Variants in ZBTB20 observed in about 807,000 individuals in gnomAD.
ZBTB20 encodes zinc finger and BTB domain-containing protein 20.
Under a neutral mutation model 56.9 loss-of-function variants are expected in ZBTB20, and 9 were observed. The ratio of observed to expected loss-of-function variants is 0.16; its 90% CI spans 0.10 to 0.28. ZBTB20 has a LOEUF of 0.28. Ranked by LOEUF, ZBTB20 falls within the 10% of genes least tolerant of loss-of-function variation. ZBTB20 has a pLI of 1.00. For missense variants in ZBTB20, 655 were observed against 1,003.0 expected, an observed-to-expected ratio of 0.65 and a Z score of 4.69; for synonymous variants, 417 against 420.7, an observed-to-expected ratio of 0.99 and a Z score of 0.11.
intron 3 of ZBTB20, among the ~76,000 whole-genome samples, chr3:114,909,370 T>A (rs2075439651): frequency 6.6e-6 from 1 of 152,124 alleles, no homozygotes; most frequent in African/African-American, 2.4e-5. Context: ...TAAGTGTTAT[T>A]ACAAAAAATT....
chr3:114,426,337 CAAAAA>C (rs60778829), intron 7 of ZBTB20, among the ~76,000 whole-genome samples: 6 of 109,518 alleles, frequency 5.5e-5, no homozygotes, highest in African/African-American at 2.6e-4. Context: ...GACTCCATCT[CAAAAA>C]AAAAAAAAAA....
intron 5 of ZBTB20, among the ~76,000 whole-genome samples, chr3:114,783,963 T>C (rs1364504006): frequency 6.6e-6 from 1 of 152,164 alleles, no homozygotes; most frequent in East Asian, 1.9e-4. Flanking sequence ...GAAACAATTA[T>C]AGGCAATACC....
At chr3:115,025,319 G>A (rs1425161938) in intron 2 of ZBTB20, among the ~76,000 whole-genome samples, 2 of 151,284 alleles carry the variant, frequency 1.3e-5, no homozygotes, top group African/African-American at 4.8e-5. Flanking sequence ...TGGTGTATAT[G>A]TACTACATTT....
At position 114,712,932 on chromosome 3, in the gene ZBTB20, T is replaced by C. The variant is rs985966463; in HGVS notation, c.-342-19357A>G. On this transcript the variant is annotated intron_variant, in intron 5 of 11. Coordinates refer to ENST00000675478, the MANE Select transcript of ZBTB20 (RefSeq NM_001348800.3). ...AAAGCTCCAGGCTAGTCAGGACAAG[T>C]TGGTCACCCTAATAATGGTATAACC... 5.9e-5 allele frequency among the ~76,000 whole-genome samples: 9 copies of C among 152,264 alleles called. No homozygotes were observed. The East Asian group carries it at 1.5e-3, about 26-fold the overall frequency.
At chr3:114,690,669 C>A (rs561427596) in intron 6 of ZBTB20, among the ~76,000 whole-genome samples, 153 of 152,268 alleles carry the variant, frequency 1.0e-3, no homozygotes, top group African/African-American at 3.6e-3. Flanking sequence ...TCCCCCCAAA[C>A]ATGTTGTTTA....
chr3:114,560,520 C>T (rs2051873482), intron 6 of ZBTB20, among the ~76,000 whole-genome samples: 1 of 152,154 alleles, frequency 6.6e-6, no homozygotes, highest in East Asian at 1.9e-4. Flanking sequence ...AGGGGTAAAA[C>T]CAAGATTCAT....
intron 4 of ZBTB20, among the ~76,000 whole-genome samples, chr3:114,839,660 G>C (rs1360401997): frequency 6.6e-6 from 1 of 152,168 alleles, no homozygotes; most frequent in Non-Finnish European, 1.5e-5. Flanking sequence ...AAAAGGATCT[G>C]TGCAGATGTA....
chr3:114,768,798 C>T (rs1210467022), intron 5 of ZBTB20, among the ~76,000 whole-genome samples: 5 of 152,022 alleles, frequency 3.3e-5, no homozygotes, highest in Admixed American at 6.6e-5. Context: ...AGGCTACAAA[C>T]GATTAAATGA....
intron 2 of ZBTB20, among the ~76,000 whole-genome samples, chr3:115,041,143 A>G (rs978796220): frequency 3.9e-5 from 6 of 152,184 alleles, no homozygotes; most frequent in African/African-American, 1.2e-4. Flanking sequence ...GTTCAATGGA[A>G]TCTTAAATTT....
At chr3:115,133,267 T>C (rs760117884) in intron 1 of ZBTB20, among the ~76,000 whole-genome samples, 6 of 152,212 alleles carry the variant, frequency 3.9e-5, no homozygotes, top group Non-Finnish European at 7.3e-5. Context: ...GGTTTTAAAT[T>C]TGTCACACAG....
rs888994478 is a variant in ZBTB20 at position 114,500,581 on chromosome 3, C to T, written c.-294-190G>A. Among the ~76,000 whole-genome samples, 9 of 152,272 alleles carry T rather than the reference C, an allele frequency of 5.9e-5. No homozygotes were observed. The East Asian group carries it at 1.7e-3, about 29-fold the overall frequency. ...TAAAGGAGACCCAGCTTCATAAAAA[C>T]TTTCTAAAGGTATGACCCCCTGCTA... On this transcript the variant is annotated intron_variant, in intron 6 of 11. Transcript: ENST00000675478.
At chr3:115,007,864 G>C (rs570383154) in intron 2 of ZBTB20, among the ~76,000 whole-genome samples, 1 of 151,662 alleles carries the variant, frequency 6.6e-6, no homozygotes, top group Non-Finnish European at 1.5e-5. Flanking sequence ...CAGATGTTTT[G>C]ACATTCTTGA....
At chr3:114,956,347 ATTCAG>A (rs1239560321) in intron 3 of ZBTB20, among the ~76,000 whole-genome samples, 1 of 152,170 alleles carries the variant, frequency 6.6e-6, no homozygotes, top group Non-Finnish European at 1.5e-5. Flanking sequence ...AATCCCCCAC[ATTCAG>A]TTCACCCCTT....
chr3:114,410,570 C>T (rs1009619324), intron 7 of ZBTB20, among the ~76,000 whole-genome samples: 12 of 152,192 alleles, frequency 7.9e-5, no homozygotes, highest in Non-Finnish European at 1.5e-4. Flanking sequence ...CCCTTCATTC[C>T]TCTCTCCAGT....
intron 2 of ZBTB20, among the ~76,000 whole-genome samples, chr3:115,014,605 G>GT (rs999276142): frequency 6.6e-6 from 1 of 151,300 alleles, no homozygotes; most frequent in Admixed American, 6.6e-5. Context: ...TTTTTATTGA[G>GT]TTTTTTTCTG....
chr3:114,689,052 C>G (rs978274934), intron 6 of ZBTB20, among the ~76,000 whole-genome samples: 8 of 152,220 alleles, frequency 5.3e-5, no homozygotes, highest in African/African-American at 1.9e-4. Context: ...GTGAAGATTT[C>G]TTTCGTTAAC....
intron 6 of ZBTB20, among the ~76,000 whole-genome samples, chr3:114,620,369 T>C (rs906334658): frequency 1.3e-5 from 2 of 152,164 alleles, no homozygotes; most frequent in Non-Finnish European, 2.9e-5. Flanking sequence ...TTTGGCTCAC[T>C]GCAATCTCCA....
At chr3:115,093,254 T>A (rs2083262517) in intron 1 of ZBTB20, among the ~76,000 whole-genome samples, 1 of 152,178 alleles carries the variant, frequency 6.6e-6, no homozygotes, top group South Asian at 2.1e-4. Flanking sequence ...CTAAAAATGT[T>A]TTTTATTCAT....
chr3:114,559,018 T>G (rs924429930), intron 6 of ZBTB20, among the ~76,000 whole-genome samples: 1 of 152,174 alleles, frequency 6.6e-6, no homozygotes, highest in African/African-American at 2.4e-5. Context: ...TACTCTTACT[T>G]TCTTCATTTC....
Sources: gnomAD v4.1 joint callset for allele counts (sites outside exome capture counted in the v4.1 genomes callset) on GRCh38, gnomAD v4.1.1 for gene constraint, MANE v1.5 for transcripts, NCBI Gene and HGNC (gene_info 2026-07-23, HGNC 2026-07-21) for gene names.